The following SLC24A3 variants were observed in gnomAD, a reference collection of about 807,000 sequenced individuals.
The protein encoded by SLC24A3 is solute carrier family 24 member 3, also known as sodium/potassium/calcium exchanger 3.
SLC24A3 carries 28 observed loss-of-function variants against 75.8 expected under a neutral mutation model. That is an observed-to-expected ratio of 0.37 (90% CI 0.27 to 0.51). The LOEUF is 0.51. Ranked by LOEUF, SLC24A3 falls within the 20% of genes least tolerant of loss-of-function variation. SLC24A3 has a pLI of 0.94. For missense variants in SLC24A3, 663 were observed against 847.8 expected, an observed-to-expected ratio of 0.78 and a Z score of 2.71; for synonymous variants, 372 against 334.1, an observed-to-expected ratio of 1.11 and a Z score of -1.24.
At chr20:19,332,256 C>T (rs2122294290) in intron 2 of SLC24A3, among the ~76,000 whole-genome samples, 1 of 152,214 alleles carries the variant, frequency 6.6e-6, no homozygotes, top group South Asian at 2.1e-4. Flanking sequence ...TGTAGTGGGA[C>T]ACTGAGCAGG....
chr20:19,463,379 C>CTTGGTGTT (rs1713785506), intron 2 of SLC24A3, among the ~76,000 whole-genome samples: 1 of 152,222 alleles, frequency 6.6e-6, no homozygotes, highest in African/African-American at 2.4e-5. Context: ...GTTAACATTT[C>CTTGGTGTT]AGTCTTGGTG....
chr20:19,341,232 TGGAGAGGTTAG>T, intron 2 of SLC24A3, among the ~76,000 whole-genome samples: 1 of 152,230 alleles, frequency 6.6e-6, no homozygotes, highest in South Asian at 2.1e-4. Flanking sequence ...GACAGCAGCC[TGGAGAGGTTAG>T]CTTATTCAGA....
intron 6 of SLC24A3, among the ~76,000 whole-genome samples, chr20:19,624,799 G>T (rs757713584): frequency 7.9e-5 from 12 of 152,196 alleles, no homozygotes; most frequent in Non-Finnish European, 1.5e-4. Flanking sequence ...CAGTCATACA[G>T]CTCCCACTCA....
chr20:19,417,967 A>C (rs972007919), intron 2 of SLC24A3, among the ~76,000 whole-genome samples: 3 of 152,212 alleles, frequency 2.0e-5, no homozygotes, highest in African/African-American at 7.2e-5. Context: ...TGCTCAAAAC[A>C]AAAGGCCTAC....
intron 2 of SLC24A3, among the ~76,000 whole-genome samples, chr20:19,497,577 T>G (rs1037046547): frequency 1.5e-4 from 14 of 96,514 alleles, no homozygotes; most frequent in Admixed American, 5.5e-4. Context: ...TTTGCACATT[T>G]TTTCCCCTTT....
chr20:19,500,825 G>T (rs1250819286), intron 2 of SLC24A3, among the ~76,000 whole-genome samples: 2 of 152,158 alleles, frequency 1.3e-5, no homozygotes, highest in Non-Finnish European at 2.9e-5. Context: ...GAAGGCTGGA[G>T]AGGAGGTATT....
At chr20:19,718,897 T>G (rs2033070146) in intron 16 of SLC24A3, among the ~76,000 whole-genome samples, 1 of 152,118 alleles carries the variant, frequency 6.6e-6, no homozygotes, top group African/African-American at 2.4e-5. Context: ...GGGAGAGATC[T>G]CCAAGGGAAT....
intron 2 of SLC24A3, among the ~76,000 whole-genome samples, chr20:19,368,312 G>T (rs1236157580): frequency 1.3e-5 from 2 of 152,192 alleles, no homozygotes; most frequent in Non-Finnish European, 1.5e-5. Context: ...AGAGAACATG[G>T]GGCAGACAGA....
intron 2 of SLC24A3, among the ~76,000 whole-genome samples, chr20:19,338,546 C>T (rs1276441123): frequency 6.6e-6 from 1 of 152,192 alleles, no homozygotes; most frequent in Non-Finnish European, 1.5e-5. Context: ...TCAAGGCCTC[C>T]TGTCCAACCT....
At chr20:19,546,179 A>AAAAAAAAAAAAAAAC (rs765227499) in intron 3 of SLC24A3, among the ~76,000 whole-genome samples, 7 of 147,574 alleles carry the variant, frequency 4.7e-5, no homozygotes, top group Non-Finnish European at 7.6e-5. Context: ...AAAAAAAAAA[A>AAAAAAAAAAAAAAAC]AAAAAAAAAC....
chr20:19,593,257 A>T (rs1440950135), intron 6 of SLC24A3, among the ~76,000 whole-genome samples: 3 of 152,164 alleles, frequency 2.0e-5, no homozygotes, highest in Non-Finnish European at 1.5e-5. Flanking sequence ...GGCTCTTAGC[A>T]AGAATCTGCC....
chr20:19,224,407 G>A (rs1282446211), intron 1 of SLC24A3, among the ~76,000 whole-genome samples: 3 of 152,038 alleles, frequency 2.0e-5, no homozygotes, highest in Admixed American at 1.3e-4. Flanking sequence ...TGCAATTTGG[G>A]GCAGGTCAGT....
intron 2 of SLC24A3, among the ~76,000 whole-genome samples, chr20:19,337,385 G>A (rs528587116): frequency 3.7e-4 from 56 of 152,066 alleles, no homozygotes; most frequent in African/African-American, 1.1e-3. Context: ...TGGAGGTTGC[G>A]GTGAGCTGAA....
At chr20:19,536,631 C>T (rs1293685773) in intron 3 of SLC24A3, among the ~76,000 whole-genome samples, 1 of 152,198 alleles carries the variant, frequency 6.6e-6, no homozygotes, top group Non-Finnish European at 1.5e-5. Context: ...AACTATACTA[C>T]AAGGCTGCAG....
chr20:19,432,504 G>C (rs1032390710), intron 2 of SLC24A3, among the ~76,000 whole-genome samples: 1 of 152,030 alleles, frequency 6.6e-6, no homozygotes, highest in African/African-American at 2.4e-5. Flanking sequence ...ACCCCATGGA[G>C]AATTCCAAGC....
chr20:19,324,724 T>TA (rs1476165927), intron 2 of SLC24A3, among the ~76,000 whole-genome samples: 1 of 152,272 alleles, frequency 6.6e-6, no homozygotes, highest in Non-Finnish European at 1.5e-5. Flanking sequence ...GAAATTGGGC[T>TA]AAGTCAATTA....
intron 3 of SLC24A3, among the ~76,000 whole-genome samples, chr20:19,520,167 G>A (rs1442338272): frequency 2.0e-5 from 3 of 152,190 alleles, no homozygotes; most frequent in Non-Finnish European, 2.9e-5. Flanking sequence ...CTGTTTGGTA[G>A]GAGGGCTGCT....
At chr20:19,346,319 A>ATATATATGGTGTATATATATATGG (rs1985422814) in intron 2 of SLC24A3, among the ~76,000 whole-genome samples, 2 of 100,722 alleles carry the variant, frequency 2.0e-5, no homozygotes, top group East Asian at 2.7e-4. Context: ...TATATATGGT[A>ATATATATGGTGTATATATATATGG]TATATATATG....
chr20:19,584,519 C>T (rs548502151), intron 4 of SLC24A3, among the ~76,000 whole-genome samples: 1 of 152,258 alleles, frequency 6.6e-6, no homozygotes, highest in South Asian at 2.1e-4. Context: ...GAATATCTGG[C>T]CACACTGAGG....
Sources: allele counts gnomAD v4.1 joint callset (sites outside exome capture counted in the v4.1 genomes callset), GRCh38; gene constraint gnomAD v4.1.1; transcripts MANE v1.5; gene names NCBI Gene and HGNC (gene_info 2026-07-23, HGNC 2026-07-21).